Variants in COL23A1 observed in about 807,000 individuals in gnomAD.
COL23A1 encodes collagen alpha-1(XXIII) chain.
COL23A1 carries 97 observed loss-of-function variants against 99.3 expected under a neutral mutation model. The observed-to-expected ratio is 0.98, with a 90% CI of 0.83 to 1.16. The LOEUF (loss-of-function observed/expected upper bound fraction) is 1.16. COL23A1 is among the 50% of genes most tolerant of loss of function. The pLI is 0.00. For missense variants in COL23A1, 762 were observed against 757.4 expected (o/e 1.01, Z -0.07); for synonymous variants, 320 against 308.2 (o/e 1.04, Z -0.40).
intron 8 of COL23A1, among the ~76,000 whole-genome samples, chr5:178,264,943 G>A (rs771351298): frequency 1.3e-5 from 2 of 152,138 alleles, no homozygotes; most frequent in African/African-American, 2.4e-5. Flanking sequence ...ACTGCACCCC[G>A]CTGAAGATGA....
intron 5 of COL23A1, 121 bp downstream of exon 5, chr5:178,288,203 A>C: frequency 1.1e-6 from 1 of 926,396 alleles, no homozygotes; most frequent in Admixed American, 1.7e-5. Flanking sequence ...CCACAGAAAG[A>C]CCACGGCTGC....
At position 178,288,388 on chromosome 5, in the gene COL23A1, G is replaced by A. The variant is rs766387553; in HGVS notation, c.415-38C>T. 4.5e-5 allele frequency: 72 copies of A among 1,584,242 alleles called. No individual in the cohort carries two copies. In the Admixed American group the frequency reaches 7.5e-4, roughly 17 times the overall value. On this transcript the variant is annotated intron_variant, in intron 4 of 28. Coordinates refer to ENST00000390654, the MANE Select transcript of COL23A1 (RefSeq NM_173465.4). ...ATATGTCATTAATAATCAGAGTTTC[G>A]GCAGAAACCATATGGCAACACTTAG... is the stretch of plus-strand genomic sequence containing the variant.
intron 2 of COL23A1, among the ~76,000 whole-genome samples, chr5:178,500,453 T>C: frequency 6.8e-6 from 1 of 146,088 alleles, no homozygotes; most frequent in Non-Finnish European, 1.5e-5. Context: ...AAAATGGTTT[T>C]AATTAGCCGA....
intron 6 of COL23A1, among the ~76,000 whole-genome samples, chr5:178,269,016 AAG>A (rs1484276061): frequency 6.6e-6 from 1 of 152,084 alleles, no homozygotes; most frequent in Non-Finnish European, 1.5e-5. Flanking sequence ...GCAGCAGAGA[AAG>A]GGGCACATGC....
intron 2 of COL23A1, among the ~76,000 whole-genome samples, chr5:178,527,905 T>A (rs1319488525): frequency 6.6e-6 from 1 of 152,232 alleles, no homozygotes; most frequent in African/African-American, 2.4e-5. Flanking sequence ...TTTCTTGGCA[T>A]GAAATAGCTC....
intron 27 of COL23A1, 132 bp from the exon 28 acceptor site, chr5:178,239,311 G>A (rs924332460): frequency 1.4e-5 from 14 of 972,284 alleles, no homozygotes; most frequent in Non-Finnish European, 2.1e-5. Context: ...GCCCCACTGA[G>A]GCAGGGGCAC....
intron 1 of COL23A1, among the ~76,000 whole-genome samples, chr5:178,579,253 G>A (rs1261562377): frequency 6.6e-6 from 1 of 152,250 alleles, no homozygotes; most frequent in Non-Finnish European, 1.5e-5. Flanking sequence ...CAGCAGCCAT[G>A]TTCAGGGTGT....
chr5:178,508,390 T>G (rs900201052), intron 2 of COL23A1, among the ~76,000 whole-genome samples: 4 of 152,180 alleles, frequency 2.6e-5, no homozygotes, highest in Admixed American at 6.5e-5. Flanking sequence ...AAGGTGAAAT[T>G]TTCCTGGTTC....
intron 2 of COL23A1, among the ~76,000 whole-genome samples, chr5:178,322,473 G>T (rs1404931514): frequency 6.6e-6 from 1 of 152,182 alleles, no homozygotes; most frequent in Non-Finnish European, 1.5e-5. Flanking sequence ...AGGAGAGGCA[G>T]AATCCCTACC....
intron 2 of COL23A1, among the ~76,000 whole-genome samples, chr5:178,444,226 G>T (rs996349448): frequency 5.9e-5 from 9 of 152,084 alleles, no homozygotes; most frequent in African/African-American, 1.9e-4. Context: ...AAACAAACAA[G>T]ATATAAAGAA....
At chr5:178,466,392 CA>C (rs1393430944) in intron 2 of COL23A1, among the ~76,000 whole-genome samples, 1 of 152,208 alleles carries the variant, frequency 6.6e-6, no homozygotes, top group Non-Finnish European at 1.5e-5. Context: ...AAAGCCGTCA[CA>C]AAAGCAAGCC....
chr5:178,411,227 G>A (rs1765038920), intron 2 of COL23A1, among the ~76,000 whole-genome samples: 1 of 152,212 alleles, frequency 6.6e-6, no homozygotes, highest in South Asian at 2.1e-4. Context: ...CGGCTCCTGT[G>A]AAAATGTTTG....
At chr5:178,517,568 G>GTTTTT (rs70997606) in intron 2 of COL23A1, among the ~76,000 whole-genome samples, 5 of 108,252 alleles carry the variant, frequency 4.6e-5, no homozygotes, top group South Asian at 3.2e-4. Flanking sequence ...TTTTTTTTTT[G>GTTTTT]TTTTTTTTTT....
chr5:178,461,810 C>A (rs549423344), intron 2 of COL23A1, among the ~76,000 whole-genome samples: 1 of 152,042 alleles, frequency 6.6e-6, no homozygotes, highest in African/African-American at 2.4e-5. Context: ...TTATCCTATT[C>A]GAAATAACAG....
rs538095042 is a variant in COL23A1, at chr5:178,243,023, C to T, written c.1441-629G>A. Among the ~76,000 whole-genome samples, 3 of 152,050 alleles carry T rather than the reference C, an allele frequency of 2.0e-5. No individual in the cohort carries two copies. In the East Asian group the frequency reaches 5.8e-4, roughly 29 times the overall value. Reference sequence around the variant, plus strand: ...ACCCACCCTGGCCAACATGGCGAAACCCTAAAAAACACAAAAATTAGCCGA... The same window carrying T: ...ACCCACCCTGGCCAACATGGCGAAATCCTAAAAAACACAAAAATTAGCCGA... On this transcript the variant is annotated intron_variant, in intron 25 of 28. Transcript: ENST00000390654.
rs146840094 is a variant in COL23A1 at position 178,330,186 on chromosome 5, A to G, written c.362-23267T>C. 1.7e-3 allele frequency among the ~76,000 whole-genome samples: 264 copies of G among 152,316 alleles called. 5 individuals carry two copies. In the South Asian group the frequency reaches 0.042, roughly 24 times the overall value. Reference sequence around the variant, plus strand: ...CTGGGACTGCTGCCCTCCCTGCAGAAGAAGGGCCTAGGGTCTCCTGCCCAT... The same window carrying G: ...CTGGGACTGCTGCCCTCCCTGCAGAGGAAGGGCCTAGGGTCTCCTGCCCAT... On this transcript the variant is annotated intron_variant, in intron 2 of 28. Transcript: ENST00000390654.
intron 2 of COL23A1, among the ~76,000 whole-genome samples, chr5:178,361,794 T>A (rs1762188382): frequency 6.6e-6 from 1 of 152,130 alleles, no homozygotes; most frequent in African/African-American, 2.4e-5. Context: ...GCTTGAGCCA[T>A]GCACCGGCTC....
intron 5 of COL23A1, among the ~76,000 whole-genome samples, chr5:178,285,040 G>A (rs1445835803): frequency 6.6e-6 from 1 of 152,186 alleles, no homozygotes; most frequent in East Asian, 1.9e-4. Context: ...GGCTGTTAAT[G>A]CATCCTCGGG....
chr5:178,386,744 C>A (rs1763697656), intron 2 of COL23A1, among the ~76,000 whole-genome samples: 1 of 152,132 alleles, frequency 6.6e-6, no homozygotes, highest in African/African-American at 2.4e-5. Context: ...TCTGAGCAGA[C>A]ACCATGGGCT....
Sources: allele counts gnomAD v4.1 joint callset (sites outside exome capture counted in the v4.1 genomes callset), GRCh38; gene constraint gnomAD v4.1.1; transcripts MANE v1.5; gene names NCBI Gene and HGNC (gene_info 2026-07-23, HGNC 2026-07-21).